The following PLA2R1 variants were observed in gnomAD, a reference collection of about 807,000 sequenced individuals.
PLA2R1 encodes the protein secretory phospholipase A2 receptor.
Under a neutral mutation model 195.9 loss-of-function variants are expected in PLA2R1, and 158 were observed. The observed-to-expected ratio is 0.81, with a 90% CI of 0.71 to 0.92. The LOEUF is 0.92. Ranked by LOEUF, PLA2R1 falls within the 40% of genes least tolerant of loss-of-function variation. PLA2R1 has a pLI of 0.00. For synonymous variants in PLA2R1, 586 were observed against 598.2 expected, an observed-to-expected ratio of 0.98 and a Z score of 0.30; for missense variants, 1,626 against 1,764.6, an observed-to-expected ratio of 0.92 and a Z score of 1.41.
At chr2:159,973,001 T>G (rs1211564988) in intron 17 of PLA2R1, among the ~76,000 whole-genome samples, 1 of 152,208 alleles carries the variant, frequency 6.6e-6, no homozygotes, top group African/African-American at 2.4e-5. Flanking sequence ...GTTATTTTTG[T>G]TTTTCACAAT....
At chr2:160,002,235 G>A (rs1384824919) in intron 11 of PLA2R1, among the ~76,000 whole-genome samples, 1 of 151,744 alleles carries the variant, frequency 6.6e-6, no homozygotes, top group African/African-American at 2.4e-5. Flanking sequence ...TTGGAAATTG[G>A]AATGTATTCT....
chr2:159,955,754 A>T lies in PLA2R1; in HGVS notation c.3097T>A (p.Trp1033Arg). Reference protein sequence around the residue: ...IGLQNDDYETWLNGKPVVYSN... With the variant: ...IGLQNDDYETRLNGKPVVYSN... The stretch of plus-strand genomic sequence containing the variant: ...TATACCACAGGCTTTCCATTTAGCC[A>T]TGTTTCATAATCATCATTTTGTAAA... Residue 1033 changes from tryptophan (W) to arginine (R), a missense_variant, in exon 22 of 30, where the codon TGG becomes AGG. Transcript: ENST00000283243. 1 of 1,582,754 alleles carries T rather than the reference A, an allele frequency of 6.3e-7. No homozygotes were observed. Among genetic ancestry groups the T allele is most frequent in the Non-Finnish European group, 8.7e-7 (1 of 1,154,774 alleles).
chr2:159,970,401 C>T (rs182648784), intron 17 of PLA2R1, among the ~76,000 whole-genome samples, 189 bp from the exon 18 acceptor site: 7 of 152,116 alleles, frequency 4.6e-5, no homozygotes, highest in African/African-American at 1.7e-4. Context: ...CCCCCCATTA[C>T]GAAGAAAAAC....
intron 18 of PLA2R1, 23 bp from the exon 19 acceptor site, chr2:159,969,382 A>C (rs767350993): frequency 7.6e-7 from 1 of 1,318,842 alleles, no homozygotes; most frequent in Admixed American, 1.7e-5. Flanking sequence ...TAAAAATGTT[A>C]AGGTCTTCTC....
chr2:160,053,148 C>A (rs1481392047), intron 1 of PLA2R1, among the ~76,000 whole-genome samples: 1 of 152,122 alleles, frequency 6.6e-6, no homozygotes, highest in Non-Finnish European at 1.5e-5. Flanking sequence ...CCTGGATTCT[C>A]TCCTTGGCCC....
Position 159,940,974 on chromosome 2 carries a change from A to G in PLA2R1, c.*804T>C, listed in dbSNP as rs1013123262. The G allele has an allele frequency of 2.6e-5, 4 of 152,180 alleles. No homozygotes were observed. The highest frequency in any genetic ancestry group is 4.4e-5 in the Non-Finnish European group (3 of 68,012). 9.4% of individuals were successfully genotyped at this position (152,180 alleles called of 1,614,324 possible). ...TATTTAGTTTTTCAGAAAGTCCATG[A>G]GTTTTAACAGTACAACTGTTAAAGT... On this transcript the variant is annotated 3_prime_UTR_variant, in exon 30 of 30. Transcript: ENST00000283243.
intron 20 of PLA2R1, among the ~76,000 whole-genome samples, chr2:159,957,320 T>A (rs1014784468): frequency 2.0e-5 from 3 of 152,160 alleles, no homozygotes; most frequent in African/African-American, 4.8e-5. Flanking sequence ...CAAGAGAGAA[T>A]CATGTCTGCA....
intron 11 of PLA2R1, among the ~76,000 whole-genome samples, chr2:159,998,638 ATG>A (rs948267677): frequency 1.3e-5 from 2 of 152,160 alleles, no homozygotes; most frequent in African/African-American, 4.8e-5. Flanking sequence ...TGTAGTTTCA[ATG>A]TCCTACTCTG....
intron 1 of PLA2R1, among the ~76,000 whole-genome samples, chr2:160,058,351 T>G (rs767884819): frequency 1.3e-4 from 20 of 151,992 alleles, no homozygotes; most frequent in Non-Finnish European, 2.1e-4. Context: ...GACCACACAC[T>G]CATCTGCACC....
intron 4 of PLA2R1, among the ~76,000 whole-genome samples, chr2:160,032,692 T>G (rs774604272): frequency 4.6e-5 from 7 of 152,200 alleles, no homozygotes; most frequent in Non-Finnish European, 1.0e-4. Flanking sequence ...CCTGATCCAC[T>G]TGTTAGAACT....
intron 20 of PLA2R1, among the ~76,000 whole-genome samples, chr2:159,967,308 A>C (rs1688854173): frequency 6.6e-6 from 1 of 152,170 alleles, no homozygotes; most frequent in Non-Finnish European, 1.5e-5. Flanking sequence ...CAACAGTAAA[A>C]CTGAGTATAG....
chr2:159,957,059 T>C (rs1688139248), intron 20 of PLA2R1, among the ~76,000 whole-genome samples: 1 of 151,678 alleles, frequency 6.6e-6, no homozygotes, highest in Non-Finnish European at 1.5e-5. Flanking sequence ...TTACTTTAAG[T>C]GAGAGAGAAA....
chr2:160,050,462 T>A (rs1200609183), intron 1 of PLA2R1, among the ~76,000 whole-genome samples: 1 of 152,222 alleles, frequency 6.6e-6, no homozygotes, highest in Non-Finnish European at 1.5e-5. Context: ...TCCAAATCCA[T>A]TTTTGTCTTA....
intron 17 of PLA2R1, among the ~76,000 whole-genome samples, chr2:159,975,456 T>C (rs931413458): frequency 1.3e-5 from 2 of 152,180 alleles, no homozygotes; most frequent in African/African-American, 4.8e-5. Flanking sequence ...AGCCTTTCTC[T>C]ACTTTAAGTT....
At chr2:159,970,956 G>T (rs1046123451) in intron 17 of PLA2R1, among the ~76,000 whole-genome samples, 1 of 150,404 alleles carries the variant, frequency 6.6e-6, no homozygotes, top group Non-Finnish European at 1.5e-5. Context: ...CTGTCGGGGG[G>T]TGGGGGGCTG....
chr2:160,057,357 G>A (rs1695619816), intron 1 of PLA2R1, among the ~76,000 whole-genome samples: 1 of 152,098 alleles, frequency 6.6e-6, no homozygotes, highest in Non-Finnish European at 1.5e-5. Context: ...TTGAGATCCT[G>A]GGACCATTAC....
At chr2:160,037,738 T>A (rs1249094772) in intron 3 of PLA2R1, among the ~76,000 whole-genome samples, 2 of 152,232 alleles carry the variant, frequency 1.3e-5, no homozygotes, top group African/African-American at 4.8e-5. Context: ...TTCCCCACTT[T>A]CCATTTTGAC....
chr2:159,966,957 A>C (rs1385367097), intron 20 of PLA2R1, among the ~76,000 whole-genome samples: 1 of 151,826 alleles, frequency 6.6e-6, no homozygotes, highest in Non-Finnish European at 1.5e-5. Flanking sequence ...TTTTTTTCTT[A>C]ATTCAAATCT....
chr2:160,036,865 ATGG>A (rs1694193622), intron 3 of PLA2R1, among the ~76,000 whole-genome samples: 2 of 151,560 alleles, frequency 1.3e-5, no homozygotes, highest in South Asian at 4.2e-4. Flanking sequence ...CTGACCCTCG[ATGG>A]CTGTGCTGTT....
Sources: gnomAD v4.1 joint callset for allele counts (sites outside exome capture counted in the v4.1 genomes callset) on GRCh38, gnomAD v4.1.1 for gene constraint, MANE v1.5 for transcripts, NCBI Gene and HGNC (gene_info 2026-07-23, HGNC 2026-07-21) for gene names.